The following ZFP62 variants were observed in gnomAD, a reference collection of about 807,000 sequenced individuals.
The protein encoded by ZFP62 is zinc finger protein 62 homolog.
ZFP62 carries 44 observed loss-of-function variants against 56.4 expected under a neutral mutation model. That is an observed-to-expected ratio of 0.78 (90% CI 0.61 to 1.00). The LOEUF (loss-of-function observed/expected upper bound fraction) is 1.00, where lower values mean the gene tolerates loss of function less well. Among genes scored for constraint, ZFP62 ranks in the 50% least tolerant of loss-of-function variants. ZFP62 has a pLI of 0.00. For missense variants in ZFP62, 1,030 were observed against 1,085.7 expected (o/e 0.95, Z 0.72); for synonymous variants, 421 against 388.9 (o/e 1.08, Z -0.97).
Position 180,848,737 on chromosome 5 carries a change from A to G in ZFP62, c.*55T>C, listed in dbSNP as rs571317705. The stretch of plus-strand genomic sequence containing the variant: ...AAGCCATGACCCCCTACATTCTTAC[A>G]TTCATAAGGTATTTCTTCCATTTGA... On this transcript the variant is annotated 3_prime_UTR_variant, in exon 2 of 2. Coordinates refer to ENST00000502412, the MANE Select transcript of ZFP62 (RefSeq NM_001172638.2). The G allele has an allele frequency of 7.7e-4, 1,128 of 1,456,458 alleles. 2 individuals are homozygous for G. Among genetic ancestry groups the G allele is most frequent in the Middle Eastern group, 4.3e-3 (24 of 5,530 alleles). 90.2% of individuals were successfully genotyped at this position (1,456,458 alleles called of 1,614,324 possible). A position where few individuals can be genotyped will look rare whatever the true frequency, so the allele number is the denominator to read the frequency against.
chr5:180,842,395 G>T, the ZFP62 span, among the ~76,000 whole-genome samples: 1 of 152,072 alleles, frequency 6.6e-6, no homozygotes, highest in Non-Finnish European at 1.5e-5. Context: ...TACAAAAAAG[G>T]ATCACTTATA....
At position 180,848,546 on chromosome 5, in the gene ZFP62, C is replaced by A. The variant is rs1773502189; in HGVS notation, c.*246G>T. The A allele has an allele frequency of 8.3e-7, 1 of 1,207,932 alleles. No individual in the cohort carries two copies. The highest frequency in any genetic ancestry group is 3.4e-5 in the East Asian group (1 of 29,688). The allele number at this position is 1,207,932 out of a possible 1,614,324, so 74.8% of individuals were successfully genotyped here. On this transcript the variant is annotated 3_prime_UTR_variant, in exon 2 of 2. Transcript: ENST00000502412. ...GATTTTGAAGATTTGCTTCACATTC[C>A]ATCACTCAGATCTAAGTTTTTCTCT... is the stretch of plus-strand genomic sequence containing the variant.
downstream of ZFP62, among the ~76,000 whole-genome samples, chr5:180,842,921 T>C (rs928631995): frequency 6.6e-6 from 1 of 151,868 alleles, no homozygotes; most frequent in East Asian, 1.9e-4. Flanking sequence ...TGTGTGCCTA[T>C]AGTCCCAGCT....
intron 1 of ZFP62, among the ~76,000 whole-genome samples, chr5:180,859,751 G>A (rs1272533069): frequency 6.6e-6 from 1 of 152,186 alleles, no homozygotes; most frequent in Non-Finnish European, 1.5e-5. Flanking sequence ...GTCTCAGAAG[G>A]GAAGAACTAC....
At chr5:180,833,795 T>G in the ZFP62 span, among the ~76,000 whole-genome samples, 1 of 151,532 alleles carries the variant, frequency 6.6e-6, no homozygotes, top group African/African-American at 2.4e-5. Context: ...CTCAGCCTCC[T>G]GAGTAGCTGG....
In ZFP62 at chr5:180,848,943, A is replaced by T. The variant is rs755047865; in HGVS notation, c.2552T>A (p.Ile851Asn). The change falls in exon 2 of 2, where the codon ATC (isoleucine) becomes AAC (asparagine). Residue 851 changes from isoleucine to asparagine, a missense_variant. Transcript: ENST00000502412. ...RCNECGKAFN[I>N]RSNLTKHKRT... ...TTTATGCTTGGTGAGATTTGATCTG[A>T]TATTAAAAGCCTTACCACACTCATT... 6.4e-7 allele frequency: 1 copy of T among 1,551,732 alleles called. No homozygotes were observed. Among genetic ancestry groups the T allele is most frequent in the Non-Finnish European group, 8.7e-7 (1 of 1,146,996 alleles).
chr5:180,844,700 ATGTT>A (rs1773376982), downstream of ZFP62, among the ~76,000 whole-genome samples: 1 of 152,172 alleles, frequency 6.6e-6, no homozygotes, highest in Non-Finnish European at 1.5e-5. Flanking sequence ...AAGACAAAAC[ATGTT>A]TGTTTAGAGA....
chr5:180,827,500 A>T, the ZFP62 span, among the ~76,000 whole-genome samples: 2 of 152,202 alleles, frequency 1.3e-5, no homozygotes, highest in Non-Finnish European at 2.9e-5. Flanking sequence ...TGAAGGCAGC[A>T]TGCTCCTTAA....
chr5:180,853,673 G>A (rs542798359), intron 1 of ZFP62, among the ~76,000 whole-genome samples: 117 of 152,314 alleles, frequency 7.7e-4, no homozygotes, highest in Non-Finnish European at 1.2e-3. Flanking sequence ...AGTAATCCAG[G>A]CAACTTAGAA....
rs1205494533 is a variant in ZFP62 at position 180,849,492 on chromosome 5, G to C, written c.2003C>G (p.Thr668Ser). The C allele has an allele frequency of 6.4e-7, 1 of 1,552,202 alleles. No homozygotes were observed. The highest frequency in any genetic ancestry group is 8.7e-7 in the Non-Finnish European group (1 of 1,147,144). Residue 668 changes from threonine to serine, a missense_variant, in exon 2 of 2, where the codon ACT (threonine) becomes AGT (serine). By Grantham distance (58) the Thr-to-Ser change is moderately conservative. Transcript: ENST00000502412. Reference protein sequence around the residue: ...SSLKVHKRIHTGERPYECDVC... With the variant: ...SSLKVHKRIHSGERPYECDVC... ...ATCACATTCATAGGGCCTCTCCCCA[G>C]TATGGATTCTTTTATGAACTTTAAG...
At chr5:180,861,170 G>C (rs1328201226) in intron 1 of ZFP62, 49 bp downstream of exon 1, 2 of 398,414 alleles carry the variant, frequency 5.0e-6, no homozygotes, top group Non-Finnish European at 8.9e-6. Flanking sequence ...GGAGGGCGTG[G>C]CAGGCAAGGG....
At chr5:180,834,116 C>T in the ZFP62 span, among the ~76,000 whole-genome samples, 3 of 152,104 alleles carry the variant, frequency 2.0e-5, no homozygotes, top group Admixed American at 2.0e-4. Context: ...CTAATTAGGC[C>T]ATGATGGTAG....
chr5:180,832,930 C>G, the ZFP62 span: 1 of 152,162 alleles, frequency 6.6e-6, no homozygotes. Flanking sequence ...AAAGGGTGGC[C>G]TCTCAGTTCA....
At chr5:180,846,884 A>G (rs1773424557), downstream of ZFP62, among the ~76,000 whole-genome samples, 1 of 152,374 alleles carries the variant, frequency 6.6e-6, no homozygotes, top group Admixed American at 6.5e-5. Flanking sequence ...GTATAGGGTC[A>G]GGCTTGCCAG....
the ZFP62 span, among the ~76,000 whole-genome samples, chr5:180,828,287 G>T: frequency 6.6e-6 from 1 of 152,182 alleles, no homozygotes; most frequent in Non-Finnish European, 1.5e-5. Flanking sequence ...TGGAAGAAAG[G>T]GACACAGGGT....
intron 1 of ZFP62, among the ~76,000 whole-genome samples, chr5:180,854,402 G>A (rs1178450272): frequency 6.6e-6 from 1 of 152,230 alleles, no homozygotes; most frequent in Non-Finnish European, 1.5e-5. Context: ...ACAGCAGAAT[G>A]TGAGTGCTGG....
intron 1 of ZFP62, among the ~76,000 whole-genome samples, chr5:180,856,048 T>C (rs1773950274): frequency 6.6e-6 from 1 of 152,208 alleles, no homozygotes; most frequent in African/African-American, 2.4e-5. Flanking sequence ...AAGTGGATTA[T>C]TCGTTTTCTT....
At chr5:180,827,282 A>G in the ZFP62 span, among the ~76,000 whole-genome samples, 10 of 152,216 alleles carry the variant, frequency 6.6e-5, no homozygotes, top group East Asian at 1.9e-4. Context: ...GGGGAAAAGA[A>G]AGAGAGATCA....
rs1773605541 is a variant in ZFP62 at position 180,849,996 on chromosome 5, A to C, written c.1499T>G (p.Leu500Arg). 5 of 1,551,270 alleles carry C rather than the reference A, an allele frequency of 3.2e-6. No homozygotes were observed. Among genetic ancestry groups the C allele is most frequent in the Non-Finnish European group, 4.4e-6 (5 of 1,146,904 alleles). ...SSLKNHKGIH[L>R]GEKPYKCSYC... ...GCTACATTTATAGGGCTTCTCCCCAAGGTGGATTCCTTTGTGATTTTTAAG... is the reference window on the plus strand; with the variant it reads ...GCTACATTTATAGGGCTTCTCCCCACGGTGGATTCCTTTGTGATTTTTAAG... Residue 500 changes from leucine (L) to arginine (R), a missense_variant, in exon 2 of 2, where the codon CTT becomes CGT. Transcript: ENST00000502412.
Sources: gnomAD v4.1 joint callset for allele counts (sites outside exome capture counted in the v4.1 genomes callset) on GRCh38, gnomAD v4.1.1 for gene constraint, MANE v1.5 for transcripts, NCBI Gene and HGNC (gene_info 2026-07-23, HGNC 2026-07-21) for gene names.